Variants in DLG2 observed in about 807,000 individuals in gnomAD.
The protein encoded by DLG2 is disks large homolog 2.
In DLG2, 45 loss-of-function variants were observed where a neutral mutation model predicts 132.5. The ratio of observed to expected loss-of-function variants is 0.34; its 90% CI spans 0.27 to 0.44. The LOEUF (loss-of-function observed/expected upper bound fraction) is 0.44, where lower values mean the gene tolerates loss of function less well. DLG2 is among the 20% of genes least tolerant of loss of function. DLG2 has a pLI of 1.00. For missense variants in DLG2, 1,045 were observed against 1,196.9 expected, an observed-to-expected ratio of 0.87 and a Z score of 1.87; for synonymous variants, 424 against 419.6, an observed-to-expected ratio of 1.01 and a Z score of -0.13.
At chr11:83,606,434 T>C (rs1051232328) in intron 19 of DLG2, among the ~76,000 whole-genome samples, 4 of 152,264 alleles carry the variant, frequency 2.6e-5, no homozygotes, top group Middle Eastern at 3.4e-3. Context: ...AACAATCTTA[T>C]CATAGTGAAA....
At chr11:84,658,379 T>TGGCGTTAGAAGGTGG (rs1324061243) in intron 6 of DLG2, among the ~76,000 whole-genome samples, 4 of 152,158 alleles carry the variant, frequency 2.6e-5, no homozygotes, top group Non-Finnish European at 5.9e-5. Flanking sequence ...CCTAGTGTGA[T>TGGCGTTAGAAGGTGG]GGCGTTAGAA....
At chr11:85,323,558 G>C (rs192373090) in intron 3 of DLG2, among the ~76,000 whole-genome samples, 176 of 152,166 alleles carry the variant, frequency 1.2e-3, no homozygotes, top group African/African-American at 4.1e-3. Flanking sequence ...ATTATTGTTA[G>C]CTATTCTCAC....
intron 10 of DLG2, among the ~76,000 whole-genome samples, chr11:84,077,325 A>G (rs2096842601): frequency 6.6e-6 from 1 of 152,164 alleles, no homozygotes; most frequent in Non-Finnish European, 1.5e-5. Context: ...TAAATTCACC[A>G]GTAATCTTGA....
chr11:84,839,693 A>T (rs1394962711), intron 6 of DLG2, among the ~76,000 whole-genome samples: 1 of 152,060 alleles, frequency 6.6e-6, no homozygotes, highest in South Asian at 2.1e-4. Context: ...AACACCACAC[A>T]TCTACATCTG....
At position 85,089,511 on chromosome 11, in the gene DLG2, T is replaced by G. The variant is rs1432081642; in HGVS notation, c.357+22150A>C. On this transcript the variant is annotated intron_variant, in intron 6 of 27. Coordinates refer to ENST00000376104, the MANE Select transcript of DLG2 (RefSeq NM_001142699.3). ...TATTCCATGCTATATGTACCTCATT[T>G]TCTTTATTCAGTCCACTGTTGATGG... Among the ~76,000 whole-genome samples the G allele has an allele frequency of 4.6e-5, 7 of 152,240 alleles. No individual in the cohort carries two copies. In the East Asian group the frequency reaches 1.3e-3, roughly 29 times the overall value.
chr11:85,464,618 C>A (rs1473953961), intron 3 of DLG2, among the ~76,000 whole-genome samples: 1 of 152,052 alleles, frequency 6.6e-6, no homozygotes, highest in Non-Finnish European at 1.5e-5. Context: ...GGAATAGTCA[C>A]AAATCTTGTG....
intron 3 of DLG2, among the ~76,000 whole-genome samples, chr11:85,493,125 T>C (rs1597891289): frequency 6.6e-6 from 1 of 152,068 alleles, no homozygotes; most frequent in Admixed American, 6.5e-5. Context: ...AATCAGGAGG[T>C]TTATGAACTG....
chr11:85,158,090 T>C lies in DLG2; in HGVS notation c.187-3439A>G, dbSNP rs547169335. On this transcript the variant is annotated intron_variant, in intron 4 of 27. Coordinates refer to ENST00000376104, the MANE Select transcript of DLG2 (RefSeq NM_001142699.3). ...ACTAGGCTGACCTCTCAGTGGGCCC[T>C]AGAGGTGAAGTTCAGAGTGTGACCT... 8.5e-5 allele frequency among the ~76,000 whole-genome samples: 13 copies of C among 152,226 alleles called. No homozygotes were observed. In the South Asian group the frequency reaches 2.7e-3, roughly 32 times the overall value.
intron 9 of DLG2, among the ~76,000 whole-genome samples, chr11:84,141,300 T>C (rs1203145038): frequency 2.0e-5 from 3 of 151,538 alleles, no homozygotes; most frequent in Non-Finnish European, 4.4e-5. Flanking sequence ...TATGCATATA[T>C]ATAATATAGA....
At chr11:84,696,812 C>T (rs1248642109) in intron 6 of DLG2, among the ~76,000 whole-genome samples, 1 of 151,466 alleles carries the variant, frequency 6.6e-6, no homozygotes, top group Non-Finnish European at 1.5e-5. Context: ...TTTGAGACCT[C>T]TTACCAAATG....
chr11:84,772,680 T>C (rs948624655), intron 6 of DLG2, among the ~76,000 whole-genome samples: 1 of 151,996 alleles, frequency 6.6e-6, no homozygotes. Flanking sequence ...ATTAAACAAG[T>C]CACTCCTGAA....
intron 7 of DLG2, chr11:84,317,305 GAGCAGCGAC>G: frequency 6.9e-7 from 1 of 1,440,812 alleles, no homozygotes; most frequent in Non-Finnish European, 9.1e-7. Flanking sequence ...GGAGCAGTGG[GAGCAGCGAC>G]AGCAGCTCCG....
At chr11:85,367,070 A>C (rs1030685474) in intron 3 of DLG2, among the ~76,000 whole-genome samples, 6 of 152,200 alleles carry the variant, frequency 3.9e-5, no homozygotes, top group Non-Finnish European at 8.8e-5. Context: ...ATGGCAATGT[A>C]TTTAGCGTTA....
chr11:85,223,072 C>G (rs1156645762), intron 4 of DLG2, among the ~76,000 whole-genome samples: 1 of 152,064 alleles, frequency 6.6e-6, no homozygotes, highest in Admixed American at 6.6e-5. Context: ...TTGAGTGTGC[C>G]AAGCAAATCA....
chr11:84,248,364 C>A (rs867316103), intron 8 of DLG2, among the ~76,000 whole-genome samples: 1 of 151,630 alleles, frequency 6.6e-6, no homozygotes, highest in African/African-American at 2.4e-5. Flanking sequence ...TGCTATCAAC[C>A]AGAAGCTAAG....
At chr11:85,449,882 C>G (rs1302355123) in intron 3 of DLG2, among the ~76,000 whole-genome samples, 2 of 151,614 alleles carry the variant, frequency 1.3e-5, no homozygotes, top group East Asian at 3.9e-4. Flanking sequence ...AATCCCAGCA[C>G]TTTGCAAGGC....
intron 3 of DLG2, among the ~76,000 whole-genome samples, chr11:85,525,912 G>T (rs188674405): frequency 6.6e-6 from 1 of 152,200 alleles, no homozygotes; most frequent in Non-Finnish European, 1.5e-5. Context: ...TCCGCCTTTA[G>T]TCTTTAGCAG....
intron 11 of DLG2, among the ~76,000 whole-genome samples, chr11:84,029,204 T>C (rs1309224686): frequency 2.0e-5 from 3 of 151,590 alleles, no homozygotes; most frequent in Admixed American, 2.0e-4. Context: ...AATTGTGGAG[T>C]CTGCCAGAAA....
intron 7 of DLG2, among the ~76,000 whole-genome samples, chr11:84,426,202 C>G (rs1373483042): frequency 6.6e-6 from 1 of 152,102 alleles, no homozygotes; most frequent in Non-Finnish European, 1.5e-5. Flanking sequence ...GGGCGTACAT[C>G]TTAGTGGCGC....
Sources: gnomAD v4.1 joint callset for allele counts (sites outside exome capture counted in the v4.1 genomes callset) on GRCh38, gnomAD v4.1.1 for gene constraint, MANE v1.5 for transcripts, NCBI Gene and HGNC (gene_info 2026-07-23, HGNC 2026-07-21) for gene names.